NINL: variants seen among roughly 807,000 people sequenced by gnomAD.
NINL encodes the protein ninein like.
In NINL, 153 loss-of-function variants were observed where a neutral mutation model predicts 160.3. The ratio of observed to expected loss-of-function variants is 0.95; its 90% CI spans 0.84 to 1.09. The LOEUF is 1.09. NINL is among the 50% of genes least tolerant of loss of function. The pLI is 0.00. For synonymous variants in NINL, 800 were observed against 734.8 expected (o/e 1.09, Z -1.43); for missense variants, 1,829 against 1,764.0 (o/e 1.04, Z -0.66).
At position 25,496,700 on chromosome 20, in the gene NINL, G is replaced by T. The variant is rs761140896; in HGVS notation, c.1273C>A (p.His425Asn). 13 of 1,613,990 alleles carry T rather than the reference G, an allele frequency of 8.1e-6. No individual in the cohort carries two copies. The African/African-American group carries it at 1.7e-4, about 22-fold the overall frequency. The stretch of plus-strand genomic sequence containing the variant: ...TCCGTGAGCTGCTCCAGGGTGGAGT[G>T]GCAGTCGTCCATCTCTTTCACAAAC... ...LEFVKEMDDC[H>N]STLEQLTEKK... The change falls in exon 10 of 24, where the codon CAC becomes AAC. Residue 425 changes from histidine to asparagine, a missense_variant. Transcript: ENST00000278886.
chr20:25,524,009 C>T (rs951090819), intron 2 of NINL, among the ~76,000 whole-genome samples: 9 of 152,280 alleles, frequency 5.9e-5, no homozygotes, highest in Non-Finnish European at 1.3e-4. Context: ...GGTTTTGAGA[C>T]TCCCTGAAAT....
At chr20:25,485,283 C>T (rs917809191) in intron 13 of NINL, among the ~76,000 whole-genome samples, 7 of 152,238 alleles carry the variant, frequency 4.6e-5, no homozygotes, top group African/African-American at 1.7e-4. Flanking sequence ...GGGAAACTTA[C>T]TCTCCAGGAA....
intron 1 of NINL, among the ~76,000 whole-genome samples, chr20:25,554,648 A>C (rs980542899): frequency 0.011 from 1,630 of 145,404 alleles, 9 homozygotes; most frequent in Non-Finnish European, 0.018. Flanking sequence ...AAAAAAAAAA[A>C]AAAAAAAAAT....
chr20:25,558,247 G>A (rs564706588), intron 1 of NINL, among the ~76,000 whole-genome samples: 68 of 152,216 alleles, frequency 4.5e-4, no homozygotes, highest in African/African-American at 1.2e-3. Flanking sequence ...TTGCTCTGTC[G>A]CCTAGGCTAG....
chr20:25,476,721 G>A lies in NINL; in HGVS notation c.2570C>T (p.Pro857Leu). 1 of 1,602,080 alleles carries A rather than the reference G, an allele frequency of 6.2e-7. No homozygotes were observed. ...LPLRPGCGER[P>L]LAWLAPGDGR... Reference sequence around the variant, plus strand: ...ATCACCTGGGGCCAGCCAGGCCAGTGGCCGCTCCCCACAGCCCGGACGCAG... The same window carrying A: ...ATCACCTGGGGCCAGCCAGGCCAGTAGCCGCTCCCCACAGCCCGGACGCAG... Residue 857 changes from proline (P) to leucine (L), a missense_variant, in exon 17 of 24, where the codon CCA (proline) becomes CTA (leucine). Transcript: ENST00000278886.
At chr20:25,555,139 T>C (rs1443427777) in intron 1 of NINL, among the ~76,000 whole-genome samples, 2 of 152,180 alleles carry the variant, frequency 1.3e-5, no homozygotes, top group Non-Finnish European at 2.9e-5. Flanking sequence ...GGGAATAATC[T>C]TCCTCATGGT....
At chr20:25,580,106 G>C (rs2065156612) in intron 1 of NINL, among the ~76,000 whole-genome samples, 1 of 152,180 alleles carries the variant, frequency 6.6e-6, no homozygotes, top group African/African-American at 2.4e-5. Context: ...GCCGAGGCGG[G>C]TGGATCACCT....
intron 3 of NINL, among the ~76,000 whole-genome samples, chr20:25,516,083 G>C (rs902978926): frequency 6.6e-6 from 1 of 152,012 alleles, no homozygotes. Context: ...CCAAGATCTG[G>C]TTGTTTAAAA....
chr20:25,489,276 C>T lies in NINL; in HGVS notation c.1645G>A (p.Ala549Thr), dbSNP rs1468127852. 2 of 1,614,132 alleles carry T rather than the reference C, an allele frequency of 1.2e-6. No homozygotes were observed. Among genetic ancestry groups the T allele is most frequent in the Non-Finnish European group, 1.7e-6 (2 of 1,180,006 alleles). Residue 549 changes from alanine (A) to threonine (T), a missense_variant, in exon 13 of 24, where the codon GCA (alanine) becomes ACA (threonine). Physicochemically the swap from Ala to Thr is moderately conservative, Grantham distance 58. Coordinates refer to ENST00000278886, the MANE Select transcript of NINL (RefSeq NM_025176.6). The stretch of plus-strand genomic sequence containing the variant: ...TTGAGCTCGTATTCCTTCAGGACTG[C>T]TGCGAACCGCTCCTCCTGGGCCAGG... ...ELLAQEERFA[A>T]VLKEYELKCR...
chr20:25,555,352 G>C (rs760156409), intron 1 of NINL, among the ~76,000 whole-genome samples: 2 of 152,066 alleles, frequency 1.3e-5, no homozygotes, highest in Non-Finnish European at 2.9e-5. Context: ...CAATTTTGAT[G>C]GATATAGCCA....
chr20:25,522,636 C>T (rs979645591), intron 2 of NINL, among the ~76,000 whole-genome samples: 31 of 152,296 alleles, frequency 2.0e-4, no homozygotes, highest in African/African-American at 7.5e-4. Context: ...TGCAATTTTG[C>T]TCATTCTAAT....
chr20:25,563,811 C>T (rs1226709892), intron 1 of NINL, among the ~76,000 whole-genome samples: 1 of 152,152 alleles, frequency 6.6e-6, no homozygotes, highest in Non-Finnish European at 1.5e-5. Flanking sequence ...TTTACAAGTC[C>T]ATTTGCCAAG....
chr20:25,531,145 T>G (rs541042615), intron 1 of NINL, among the ~76,000 whole-genome samples: 2 of 152,160 alleles, frequency 1.3e-5, no homozygotes, highest in Non-Finnish European at 2.9e-5. Flanking sequence ...ATTTCTCCCA[T>G]TTGCTTTTGA....
At chr20:25,576,197 T>C (rs995813202) in intron 1 of NINL, among the ~76,000 whole-genome samples, 13 of 152,214 alleles carry the variant, frequency 8.5e-5, no homozygotes, top group African/African-American at 2.9e-4. Context: ...ATTTTCTCAG[T>C]CTCTGTTTCT....
chr20:25,513,257 T>C (rs2064107299), intron 3 of NINL, among the ~76,000 whole-genome samples: 1 of 152,230 alleles, frequency 6.6e-6, no homozygotes, highest in Admixed American at 6.5e-5. Context: ...CTGTATGCTA[T>C]TTACACTTTT....
Position 25,476,083 on chromosome 20 carries a change from G to A in NINL, c.3208C>T (p.Arg1070Trp), listed in dbSNP as rs763755978. 19 of 1,613,812 alleles carry A rather than the reference G, an allele frequency of 1.2e-5. No homozygotes were observed. The highest frequency in any genetic ancestry group is 2.2e-5 in the East Asian group (1 of 44,898). The change falls in exon 17 of 24, where the codon CGG (arginine) becomes TGG (tryptophan). Residue 1070 changes from arginine to tryptophan, a missense_variant. Transcript: ENST00000278886. ...TKLLHLEDVV[R>W]ALEKHVDLRE... ...AAATCTACATGTTTCTCCAGAGCCC[G>A]GACGACGTCTTCCAGATGTAGAAGT...
intron 1 of NINL, among the ~76,000 whole-genome samples, chr20:25,548,552 C>T (rs1017360190): frequency 8.8e-5 from 12 of 136,284 alleles, no homozygotes; most frequent in East Asian, 2.3e-4. Flanking sequence ...GCCTCACCCA[C>T]GGCTGACCCC....
intron 1 of NINL, among the ~76,000 whole-genome samples, chr20:25,531,995 T>A (rs147438424): frequency 6.6e-6 from 1 of 151,792 alleles, no homozygotes; most frequent in South Asian, 2.1e-4. Context: ...CTAAACAAGA[T>A]GGGGAAAGTC....
intron 13 of NINL, among the ~76,000 whole-genome samples, chr20:25,486,591 G>A: frequency 6.6e-6 from 1 of 151,548 alleles, no homozygotes; most frequent in East Asian, 2.0e-4. Context: ...ACCAGTCGAG[G>A]CAGAAGGAAG....
Sources: gnomAD v4.1 joint callset for allele counts (sites outside exome capture counted in the v4.1 genomes callset) on GRCh38, gnomAD v4.1.1 for gene constraint, MANE v1.5 for transcripts, NCBI Gene and HGNC (gene_info 2026-07-23, HGNC 2026-07-21) for gene names.